PRKDC: variants seen among roughly 807,000 people sequenced by gnomAD.
PRKDC encodes DNA-dependent protein kinase catalytic subunit.
A neutral mutation model predicts 486.9 loss-of-function variants in PRKDC; 82 were observed. The observed-to-expected ratio is 0.17, with a 90% CI of 0.14 to 0.20. The LOEUF is 0.20. PRKDC is among the 10% of genes least tolerant of loss of function. The probability of loss-of-function intolerance (pLI) is 1.00; values close to 1 mark genes in which losing one functional copy is unlikely to be tolerated. For synonymous variants in PRKDC, 1,895 were observed against 1,837.0 expected (o/e 1.03, Z -0.81); for missense variants, 4,504 against 5,038.2 (o/e 0.89, Z 3.21).
chr8:47,845,085 T>A (rs1300707573), intron 54 of PRKDC, among the ~76,000 whole-genome samples: 2 of 151,956 alleles, frequency 1.3e-5, no homozygotes, highest in Non-Finnish European at 2.9e-5. Flanking sequence ...GGCGTGGTGG[T>A]GTGCACCTCT....
chr8:47,887,103 C>T lies in PRKDC; in HGVS notation c.4572+444G>A, dbSNP rs8178099. Among the ~76,000 whole-genome samples, 1,366 of 152,308 alleles carry T rather than the reference C, an allele frequency of 9.0e-3. 11 individuals carry two copies. The highest frequency in any genetic ancestry group is 0.021 in the South Asian group (103 of 4,830). ...AACACAGAGGGCTGGCTGCAGATTTCAGCTACAGCAGGGACTATTTAAGGC... is the reference window on the plus strand; with the variant it reads ...AACACAGAGGGCTGGCTGCAGATTTTAGCTACAGCAGGGACTATTTAAGGC... On this transcript the variant is annotated intron_variant, in intron 35 of 85. Transcript: ENST00000314191.
chr8:47,888,611 G>A lies in PRKDC; in HGVS notation c.4320C>T (p.Asp1440=), dbSNP rs1299478573. The part of the protein sequence containing the change: ...ELCAVNLYGP[D]AQVDRSRLAA... The stretch of plus-strand genomic sequence containing the variant: ...CCAGCCTGCTCCTGTCCACTTGCGC[G>A]TCAGGGCCATACAAGTTGACGGCAC... Residue 1440 remains aspartate, a synonymous_variant, in exon 34 of 86, where the codon GAC becomes GAT. Transcript: ENST00000314191. The A allele has an allele frequency of 1.0e-5, 16 of 1,594,132 alleles. No individual in the cohort carries two copies. The highest frequency in any genetic ancestry group is 5.4e-5 in the African/African-American group (4 of 74,528).
intron 85 of PRKDC, among the ~76,000 whole-genome samples, 179 bp downstream of exon 85, chr8:47,776,665 G>C (rs1019479280): frequency 6.6e-6 from 1 of 152,164 alleles, no homozygotes; most frequent in Non-Finnish European, 1.5e-5. Flanking sequence ...CAGAGTTGCA[G>C]GCCTTGCCCT....
At chr8:47,953,540 G>C (rs2090658230) in intron 7 of PRKDC, 80 bp downstream of exon 7, 4 of 1,291,258 alleles carry the variant, frequency 3.1e-6, no homozygotes, top group South Asian at 1.3e-5. Flanking sequence ...GATTGGTTAA[G>C]AGTTCAAAGA....
intron 4 of PRKDC, among the ~76,000 whole-genome samples, chr8:47,955,092 T>G (rs1461505717): frequency 1.3e-5 from 2 of 151,716 alleles, no homozygotes; most frequent in Non-Finnish European, 2.9e-5. Context: ...AGACAGAAGT[T>G]GCAGTGAGCC....
chr8:47,827,245 T>C (rs898137217), intron 62 of PRKDC, among the ~76,000 whole-genome samples: 46 of 150,408 alleles, frequency 3.1e-4, no homozygotes, highest in African/African-American at 1.1e-3. Context: ...TCAAAAAGAA[T>C]AAAACAAAAA....
intron 76 of PRKDC, among the ~76,000 whole-genome samples, chr8:47,788,119 G>A (rs1247266335): frequency 6.6e-6 from 1 of 152,220 alleles, no homozygotes; most frequent in African/African-American, 2.4e-5. Context: ...AGAAAGAAAA[G>A]TCAGTATGAC....
chr8:47,896,018 G>A (rs751792306), intron 30 of PRKDC, among the ~76,000 whole-genome samples: 4 of 152,122 alleles, frequency 2.6e-5, no homozygotes, highest in African/African-American at 4.8e-5. Flanking sequence ...TAGCCCAGGC[G>A]ACAGAGCAAG....
chr8:47,856,580 A>G lies in PRKDC; in HGVS notation c.6609+576T>C, dbSNP rs1467164754. On this transcript the variant is annotated intron_variant, in intron 49 of 85. Transcript: ENST00000314191. Reference sequence around the variant, plus strand: ...CAGACTGTTCTTACCATCTCCTCACATGAAAACGTTTGTATGCTGTCAGTG... The same window carrying G: ...CAGACTGTTCTTACCATCTCCTCACGTGAAAACGTTTGTATGCTGTCAGTG... 2.0e-5 allele frequency among the ~76,000 whole-genome samples: 3 copies of G among 152,130 alleles called. No homozygotes were observed. The East Asian group carries it at 5.8e-4, about 29-fold the overall frequency.
chr8:47,938,689 G>A (rs1415490750), intron 11 of PRKDC, among the ~76,000 whole-genome samples: 1 of 152,062 alleles, frequency 6.6e-6, no homozygotes, highest in Non-Finnish European at 1.5e-5. Flanking sequence ...AGCCTCCCAA[G>A]CAGTTGGGAT....
chr8:47,813,009 T>C (rs1259615193), intron 68 of PRKDC, among the ~76,000 whole-genome samples: 3 of 151,300 alleles, frequency 2.0e-5, no homozygotes, highest in Non-Finnish European at 3.0e-5. Context: ...AAAAAACAAA[T>C]AAAGAAGGCA....
intron 30 of PRKDC, among the ~76,000 whole-genome samples, chr8:47,895,868 G>A (rs866481661): frequency 7.2e-5 from 11 of 152,046 alleles, no homozygotes; most frequent in African/African-American, 1.7e-4. Flanking sequence ...GTGAAACCCC[G>A]TCTCTACTAA....
At chr8:47,891,527 T>C (rs2089456691) in intron 31 of PRKDC, among the ~76,000 whole-genome samples, 1 of 152,076 alleles carries the variant, frequency 6.6e-6, no homozygotes, top group Non-Finnish European at 1.5e-5. Flanking sequence ...GAGACCATCC[T>C]GGCTAACACA....
intron 30 of PRKDC, among the ~76,000 whole-genome samples, chr8:47,896,630 G>C (rs1589774430): frequency 6.8e-6 from 1 of 146,380 alleles, no homozygotes; most frequent in East Asian, 2.1e-4. Context: ...CTGGGCAAAA[G>C]AGCGAGACTC....
In PRKDC at chr8:47,839,149, G is replaced by A. The variant is rs2088089300; in HGVS notation, c.7552C>T (p.Gln2518Ter). The change falls in exon 56 of 86, where the codon CAA becomes TAA. Residue 2518 changes from glutamine (Q) to a stop codon, truncating the protein, a stop_gained and splice_region_variant. Coordinates refer to ENST00000314191, the MANE Select transcript of PRKDC (RefSeq NM_006904.7). LOFTEE classifies it high-confidence loss of function. Reference protein sequence around the residue: ...QGLIDENPGLQLIIRNFWSHE... With the variant: ...QGLIDENPGL ...GTCCCAGCCCAGTTATTCACGTACT[G>A]AAGTCCAGGGTTCTCATCGATCAAT... 6.2e-7 allele frequency: 1 copy of A among 1,609,306 alleles called. No individual in the cohort carries two copies. Among genetic ancestry groups the A allele is most frequent in the African/African-American group, 1.3e-5 (1 of 74,800 alleles).
chr8:47,957,846 A>C (rs1473763671), intron 1 of PRKDC, among the ~76,000 whole-genome samples: 1 of 152,188 alleles, frequency 6.6e-6, no homozygotes, highest in Admixed American at 6.5e-5. Flanking sequence ...CAGCCTTATA[A>C]ATATAAAACA....
At chr8:47,828,135 A>C in intron 62 of PRKDC, 33 bp downstream of exon 62, 1 of 1,586,312 alleles carries the variant, frequency 6.3e-7, no homozygotes, top group East Asian at 2.2e-5. Flanking sequence ...ACAGCAAACA[A>C]TGTATATTTG....
Position 47,953,621 on chromosome 8 carries a change from T to G in PRKDC, c.720A>C (p.Glu240Asp), listed in dbSNP as rs1413868882. 1 of 1,611,050 alleles carries G rather than the reference T, an allele frequency of 6.2e-7. No individual in the cohort carries two copies. ...AAATCAAGTGAAGCCAAGCAATACCTTCTTCCATGGACTTAGTGAAGTTGC... is the reference window on the plus strand; with the variant it reads ...AAATCAAGTGAAGCCAAGCAATACCGTCTTCCATGGACTTAGTGAAGTTGC... The part of the protein sequence containing the change: ...LLCNFTKSME[E>D]DPQTSREIFN... Residue 240 changes from glutamate (E) to aspartate (D), a missense_variant and splice_region_variant, in exon 7 of 86, where the codon GAA becomes GAC. Coordinates refer to ENST00000314191, the MANE Select transcript of PRKDC (RefSeq NM_006904.7).
At chr8:47,943,398 C>T in intron 9 of PRKDC, 32 bp from the exon 10 acceptor site, 1 of 1,571,938 alleles carries the variant, frequency 6.4e-7, no homozygotes, top group Non-Finnish European at 8.6e-7. Flanking sequence ...TATTTAAAAT[C>T]AGACGACATA....
Sources: gnomAD v4.1 joint callset for allele counts (sites outside exome capture counted in the v4.1 genomes callset) on GRCh38, gnomAD v4.1.1 for gene constraint, MANE v1.5 for transcripts, NCBI Gene and HGNC (gene_info 2026-07-23, HGNC 2026-07-21) for gene names.